Variants in CD36 observed in about 807,000 individuals in gnomAD.
The protein encoded by CD36 is platelet glycoprotein 4.
In CD36, 119 loss-of-function variants were observed where a neutral mutation model predicts 55.2. The observed-to-expected ratio is 2.15, with a 90% CI of 1.86 to 2.51. The LOEUF (loss-of-function observed/expected upper bound fraction) is 2.51. CD36 is among the 30% of genes most tolerant of loss of function. The probability of loss-of-function intolerance (pLI) is 0.00; values close to 1 mark genes in which losing one functional copy is unlikely to be tolerated. For synonymous variants in CD36, 186 were observed against 193.6 expected, an observed-to-expected ratio of 0.96 and a Z score of 0.33; for missense variants, 819 against 555.5, an observed-to-expected ratio of 1.47 and a Z score of -4.77.
At chr7:80,620,339 C>A (rs867234940) in intron 1 of CD36, among the ~76,000 whole-genome samples, 1 of 152,102 alleles carries the variant, frequency 6.6e-6, no homozygotes, top group East Asian at 1.9e-4. Context: ...CCAGGACTAC[C>A]GACAAGCTTC....
intron 4 of CD36, among the ~76,000 whole-genome samples, chr7:80,659,138 G>T (rs865971907): frequency 6.6e-6 from 1 of 152,050 alleles, no homozygotes; most frequent in African/African-American, 2.4e-5. Flanking sequence ...TTAAATAATG[G>T]AAAAACAACC....
At chr7:80,675,378 A>G (rs1387721155) in intron 14 of CD36, among the ~76,000 whole-genome samples, 1 of 151,600 alleles carries the variant, frequency 6.6e-6, no homozygotes, top group Non-Finnish European at 1.5e-5. Flanking sequence ...TGCTTAATAA[A>G]AGGAAATGCA....
intron 7 of CD36, 113 bp from the exon 8 acceptor site, chr7:80,666,330 T>A (rs1027734359): frequency 2.7e-6 from 2 of 749,030 alleles, no homozygotes; most frequent in Non-Finnish European, 2.3e-6. Flanking sequence ...TTAGTACTTG[T>A]CACATTTAAA....
chr7:80,667,140 A>G (rs1430890546), intron 8 of CD36, among the ~76,000 whole-genome samples: 2 of 152,148 alleles, frequency 1.3e-5, no homozygotes, highest in Admixed American at 6.6e-5. Context: ...TTAAAAAGCA[A>G]TGGGAGGCTG....
At chr7:80,605,880 T>TGA (rs1792521204) in intron 1 of CD36, among the ~76,000 whole-genome samples, 1 of 152,126 alleles carries the variant, frequency 6.6e-6, no homozygotes, top group Non-Finnish European at 1.5e-5. Context: ...CAGAAAGGTA[T>TGA]GAGCTGTGAT....
chr7:80,610,560 A>G (rs1792821554), intron 1 of CD36, among the ~76,000 whole-genome samples: 1 of 151,632 alleles, frequency 6.6e-6, no homozygotes, highest in Non-Finnish European at 1.5e-5. Flanking sequence ...AATTTTATTT[A>G]TTTATTTATT....
intron 3 of CD36, 125 bp downstream of exon 3, chr7:80,646,985 A>AT (rs1795217454): frequency 9.7e-7 from 1 of 1,034,798 alleles, no homozygotes; most frequent in Non-Finnish European, 1.5e-6. Flanking sequence ...ACATAAAGGT[A>AT]ATTATGAACC....
At chr7:80,607,862 C>T (rs1215227763) in intron 1 of CD36, among the ~76,000 whole-genome samples, 1 of 152,096 alleles carries the variant, frequency 6.6e-6, no homozygotes, top group Non-Finnish European at 1.5e-5. Context: ...ACCTCCTCCT[C>T]CCAGGTTCAA....
chr7:80,636,446 C>G (rs995996683), upstream of CD36, among the ~76,000 whole-genome samples: 1 of 149,114 alleles, frequency 6.7e-6, no homozygotes, highest in African/African-American at 2.5e-5. Context: ...AGTTAACTTC[C>G]AATTACAAGT....
chr7:80,634,141 G>A (rs1794248480), upstream of CD36, among the ~76,000 whole-genome samples: 1 of 151,906 alleles, frequency 6.6e-6, no homozygotes, highest in African/African-American at 2.4e-5. Context: ...AGTACTAGCT[G>A]TGTGAACTCA....
At chr7:80,674,485 C>T in intron 14 of CD36, 1 of 260,268 alleles carries the variant, frequency 3.8e-6, no homozygotes, top group South Asian at 4.3e-5. Flanking sequence ...AAATAATTGA[C>T]TAGGAAATGG....
At chr7:80,658,084 T>A (rs1796231456) in intron 4 of CD36, among the ~76,000 whole-genome samples, 1 of 152,186 alleles carries the variant, frequency 6.6e-6, no homozygotes, top group African/African-American at 2.4e-5. Context: ...TCTTAGCAGT[T>A]TTACCCGAAT....
chr7:80,652,894 A>G (rs1795737912), intron 3 of CD36, among the ~76,000 whole-genome samples: 1 of 152,132 alleles, frequency 6.6e-6, no homozygotes, highest in Non-Finnish European at 1.5e-5. Flanking sequence ...ACGTTTATTG[A>G]TCCCCATAAC....
At position 80,671,912 on chromosome 7, in the gene CD36, T is replaced by G; in HGVS notation, c.1007-10T>G. ...ATTAATTCCAATTGACTCTTAAAAC[T>G]TGTCTTCAGGGAGACCTGTGTACAT... On this transcript the variant is annotated splice_polypyrimidine_tract_variant and intron_variant, in intron 10 of 14. Coordinates refer to ENST00000447544, the MANE Select transcript of CD36 (RefSeq NM_001001548.3). 6.2e-7 allele frequency: 1 copy of G among 1,610,292 alleles called. No individual in the cohort carries two copies. Among genetic ancestry groups the G allele is most frequent in the Non-Finnish European group, 8.5e-7 (1 of 1,177,336 alleles).
At chr7:80,662,343 G>A (rs563543838) in intron 5 of CD36, 20 of 182,858 alleles carry the variant, frequency 1.1e-4, no homozygotes, top group Non-Finnish European at 2.4e-4. Context: ...TGTCCTCGTC[G>A]AAATCGTAGT....
chr7:80,604,221 G>T (rs112870576), intron 1 of CD36, among the ~76,000 whole-genome samples: 3 of 152,008 alleles, frequency 2.0e-5, no homozygotes, highest in African/African-American at 7.2e-5. Context: ...AACAATAAAT[G>T]CTCATCAGGA....
chr7:80,604,493 A>T (rs1343206218), intron 1 of CD36, among the ~76,000 whole-genome samples: 1 of 150,712 alleles, frequency 6.6e-6, no homozygotes, highest in Non-Finnish European at 1.5e-5. Context: ...CCACGTGGAG[A>T]AGTAACACTT....
At chr7:80,616,576 A>G (rs1793171987) in intron 1 of CD36, among the ~76,000 whole-genome samples, 1 of 152,142 alleles carries the variant, frequency 6.6e-6, no homozygotes, top group South Asian at 2.1e-4. Context: ...TACTATGAAA[A>G]TAAATCTCAA....
upstream of CD36, among the ~76,000 whole-genome samples, chr7:80,634,284 C>A (rs1265013701): frequency 6.6e-6 from 1 of 152,002 alleles, no homozygotes; most frequent in Non-Finnish European, 1.5e-5. Flanking sequence ...TGATCATCTT[C>A]ATTGTTCTTT....
Sources: gnomAD v4.1 joint callset for allele counts (sites outside exome capture counted in the v4.1 genomes callset) on GRCh38, gnomAD v4.1.1 for gene constraint, MANE v1.5 for transcripts, NCBI Gene and HGNC (gene_info 2026-07-23, HGNC 2026-07-21) for gene names.